UBE4B: variants seen among roughly 807,000 people sequenced by gnomAD.
UBE4B encodes ubiquitination factor E4B, also known as ubiquitin conjugation factor E4 B.
Under a neutral mutation model 148.1 loss-of-function variants are expected in UBE4B, and 27 were observed. The observed-to-expected ratio is 0.18, with a 90% CI of 0.13 to 0.25. UBE4B has a LOEUF of 0.25. Ranked by LOEUF, UBE4B falls within the 10% of genes least tolerant of loss-of-function variation. UBE4B has a pLI of 1.00. For missense variants in UBE4B, 1,170 were observed against 1,662.4 expected (o/e 0.70, Z 5.15); for synonymous variants, 596 against 619.3 (o/e 0.96, Z 0.56).
At chr1:10,068,830 C>G (rs1018980596) in intron 1 of UBE4B, among the ~76,000 whole-genome samples, 10 of 152,174 alleles carry the variant, frequency 6.6e-5, no homozygotes, top group African/African-American at 2.2e-4. Flanking sequence ...TTCAGACCAC[C>G]CAAGGGCATT....
At chr1:10,140,156 A>G (rs752832776) in intron 17 of UBE4B, among the ~76,000 whole-genome samples, 2 of 151,954 alleles carry the variant, frequency 1.3e-5, no homozygotes, top group Non-Finnish European at 2.9e-5. Context: ...CATTTTTGTT[A>G]TATCATATCT....
chr1:10,175,543 C>T (rs893107951), intron 25 of UBE4B, among the ~76,000 whole-genome samples: 31 of 151,914 alleles, frequency 2.0e-4, no homozygotes, highest in African/African-American at 2.7e-4. Context: ...CCCAGCTACT[C>T]GGGAGGCTGA....
At chr1:10,139,261 C>A (rs1645747640) in intron 17 of UBE4B, among the ~76,000 whole-genome samples, 1 of 152,110 alleles carries the variant, frequency 6.6e-6, no homozygotes, top group Admixed American at 6.6e-5. Flanking sequence ...ATGGTTGGCG[C>A]ATGCCTGTAA....
intron 25 of UBE4B, among the ~76,000 whole-genome samples, chr1:10,175,521 G>T (rs1003810198): frequency 1.3e-5 from 2 of 151,624 alleles, no homozygotes; most frequent in Non-Finnish European, 1.5e-5. Context: ...CGTGGTGGCG[G>T]GCGCCCGTAG....
chr1:10,179,595 G>T, intron 27 of UBE4B, 33 bp downstream of exon 27: 1 of 1,608,516 alleles, frequency 6.2e-7, no homozygotes. Flanking sequence ...GTGCAGCGCT[G>T]GCGTCAGTAC....
intron 5 of UBE4B, chr1:10,103,335 T>TC (rs1645046593): frequency 3.6e-6 from 1 of 275,852 alleles, no homozygotes; most frequent in African/African-American, 2.2e-5. Flanking sequence ...GTTAATGGTC[T>TC]CCATTTTCTC....
At position 10,119,526 on chromosome 1, in the gene UBE4B, C is replaced by T; in HGVS notation, c.1352C>T (p.Pro451Leu). ...TTTCCTTTTCAGATGTGCAGCCAGC[C>T]AGCAGTCAGCCAGCTTCTGAGCAAC... ...EKKAPKMCSQ[P>L]AVSQLLSNIR... The change falls in exon 9 of 28, where the codon CCA becomes CTA. Residue 451 changes from proline (P) to leucine (L), a missense_variant. By Grantham distance (98) the Pro-to-Leu change is moderately conservative. Transcript: ENST00000343090. 1 of 1,613,664 alleles carries T rather than the reference C, an allele frequency of 6.2e-7. No individual in the cohort carries two copies.
intron 5 of UBE4B, 79 bp from the exon 6 acceptor site, chr1:10,105,437 G>A: frequency 7.9e-7 from 1 of 1,270,528 alleles, no homozygotes; most frequent in Non-Finnish European, 1.1e-6. Flanking sequence ...ACCATTTGGG[G>A]TCAGCTGGCT....
At chr1:10,088,974 C>G (rs1644804915) in intron 2 of UBE4B, among the ~76,000 whole-genome samples, 1 of 152,188 alleles carries the variant, frequency 6.6e-6, no homozygotes, top group Non-Finnish European at 1.5e-5. Context: ...CCACCACACC[C>G]AGCCCACTTT....
At chr1:10,147,658 T>C (rs1645896792) in intron 19 of UBE4B, among the ~76,000 whole-genome samples, 1 of 152,074 alleles carries the variant, frequency 6.6e-6, no homozygotes. Context: ...TGCTATAAAG[T>C]CTTTGATTGA....
intron 22 of UBE4B, 38 bp downstream of exon 22, chr1:10,158,520 T>G (rs924183430): frequency 6.2e-7 from 1 of 1,602,952 alleles, no homozygotes; most frequent in Admixed American, 1.7e-5. Flanking sequence ...CTTGCTTTCT[T>G]GCAAATCGCA....
At chr1:10,046,888 C>T (rs1643923843) in intron 1 of UBE4B, among the ~76,000 whole-genome samples, 1 of 152,202 alleles carries the variant, frequency 6.6e-6, no homozygotes, top group African/African-American at 2.4e-5. Context: ...TCCCTTTCAT[C>T]TTTGCATGCG....
At chr1:10,130,953 T>C in intron 14 of UBE4B, 140 bp downstream of exon 14, 2 of 689,276 alleles carry the variant, frequency 2.9e-6, no homozygotes, top group African/African-American at 1.8e-5. Context: ...AAAGATAAAC[T>C]ATAAGTAAGT....
At chr1:10,085,910 C>T (rs1041869812) in intron 2 of UBE4B, among the ~76,000 whole-genome samples, 2 of 152,150 alleles carry the variant, frequency 1.3e-5, no homozygotes, top group African/African-American at 2.4e-5. Flanking sequence ...CTGCCTCAGC[C>T]TCCTGAGTAG....
intron 1 of UBE4B, among the ~76,000 whole-genome samples, chr1:10,071,252 A>G (rs1644479440): frequency 6.6e-6 from 1 of 152,172 alleles, no homozygotes; most frequent in African/African-American, 2.4e-5. Context: ...TGACCAAGTT[A>G]GGTCATTTTA....
At chr1:10,134,248 T>C (rs1006863613) in intron 15 of UBE4B, among the ~76,000 whole-genome samples, 3 of 151,992 alleles carry the variant, frequency 2.0e-5, no homozygotes, top group Non-Finnish European at 4.4e-5. Context: ...TGGTGGCTCA[T>C]GCCTGTAATC....
chr1:10,037,703 T>A (rs1643594939), intron 1 of UBE4B, among the ~76,000 whole-genome samples: 1 of 151,862 alleles, frequency 6.6e-6, no homozygotes, highest in Non-Finnish European at 1.5e-5. Flanking sequence ...TACAGGCTCA[T>A]GCCACCACAC....
intron 2 of UBE4B, among the ~76,000 whole-genome samples, chr1:10,081,772 A>G (rs1644685780): frequency 6.6e-6 from 1 of 152,132 alleles, no homozygotes; most frequent in African/African-American, 2.4e-5. Flanking sequence ...TATTTTTAGT[A>G]GAGACGAGGT....
chr1:10,165,699 C>G (rs1557611076), intron 23 of UBE4B, among the ~76,000 whole-genome samples: 1 of 152,154 alleles, frequency 6.6e-6, no homozygotes, highest in Non-Finnish European at 1.5e-5. Context: ...TTCCCCCTAC[C>G]TGGAATGCTC....
Sources: gnomAD v4.1 joint callset for allele counts (sites outside exome capture counted in the v4.1 genomes callset) on GRCh38, gnomAD v4.1.1 for gene constraint, MANE v1.5 for transcripts, NCBI Gene and HGNC (gene_info 2026-07-23, HGNC 2026-07-21) for gene names.